SHPK: variants seen among roughly 807,000 people sequenced by gnomAD.
SHPK encodes the protein sedoheptulokinase.
SHPK carries 51 observed loss-of-function variants against 46.3 expected under a neutral mutation model. That is an observed-to-expected ratio of 1.10 (90% CI 0.88 to 1.39). The LOEUF is 1.39. Ranked by LOEUF, SHPK falls within the 40% of genes most tolerant of loss-of-function variation. The pLI is 0.00. For missense variants in SHPK, 668 were observed against 641.3 expected, an observed-to-expected ratio of 1.04 and a Z score of -0.45; for synonymous variants, 290 against 273.9, an observed-to-expected ratio of 1.06 and a Z score of -0.58.
At position 3,624,183 on chromosome 17, in the gene SHPK, G is replaced by C. The variant is rs1181938736; in HGVS notation, c.359C>G (p.Ala120Gly). Reference sequence around the variant, plus strand: ...CTGCCACGTGACCAGGTGGCTAACAGCTCGGGGCTCGAACACCGGGGTAAT... The same window carrying C: ...CTGCCACGTGACCAGGTGGCTAACACCTCGGGGCTCGAACACCGGGGTAAT... ...GGITPVFEPRAVSHLVTWQDG... is the reference protein window; with the variant it reads ...GGITPVFEPRGVSHLVTWQDG... Residue 120 changes from alanine to glycine, a missense_variant, in exon 3 of 7, where the codon GCT (alanine) becomes GGT (glycine). Ala to Gly is a moderately conservative substitution (Grantham distance 60). Coordinates refer to ENST00000225519, the MANE Select transcript of SHPK (RefSeq NM_013276.4). 1 of 1,613,968 alleles carries C rather than the reference G, an allele frequency of 6.2e-7. No individual in the cohort carries two copies. Among genetic ancestry groups the C allele is most frequent in the Non-Finnish European group, 8.5e-7 (1 of 1,179,952 alleles).
In SHPK at chr17:3,628,693, T is replaced by C. The variant is rs59292496; in HGVS notation, c.310+1512A>G. The stretch of plus-strand genomic sequence containing the variant: ...AGACGGGGTCTTGCTCTGTAGCCCA[T>C]GCTGGAGTGCAGTGGAGCAATCACA... On this transcript the variant is annotated intron_variant, in intron 2 of 6. Transcript: ENST00000225519. Among the ~76,000 whole-genome samples, 59 of 151,294 alleles carry C rather than the reference T, an allele frequency of 3.9e-4. 3 individuals are homozygous for C. The East Asian group carries it at 0.012, about 30-fold the overall frequency.
intron 2 of SHPK, among the ~76,000 whole-genome samples, chr17:3,627,694 C>T (rs1454217795): frequency 1.3e-5 from 2 of 151,378 alleles, no homozygotes; most frequent in Admixed American, 6.6e-5. Flanking sequence ...CTCTTTCCAA[C>T]GATGTGGCTG....
At position 3,636,245 on chromosome 17, in the gene SHPK, G is replaced by C. The variant is rs369929091; in HGVS notation, c.-26C>G. ...TATCTCCCTGACCCGCGCAGCTCCA[G>C]TCTGCAGCCAGCGGCCCCACAAGTC... On this transcript the variant is annotated 5_prime_UTR_variant, in exon 1 of 7. Transcript: ENST00000225519. 91 of 1,576,736 alleles carry C rather than the reference G, an allele frequency of 5.8e-5. No individual in the cohort carries two copies. The highest frequency in any genetic ancestry group is 7.3e-5 in the Non-Finnish European group (85 of 1,157,346).
At chr17:3,634,859 A>G (rs1011972358) in intron 1 of SHPK, among the ~76,000 whole-genome samples, 10 of 152,096 alleles carry the variant, frequency 6.6e-5, no homozygotes, top group African/African-American at 2.4e-4. Flanking sequence ...GTGTCCATGT[A>G]TGTGGCAAGA....
intron 3 of SHPK, among the ~76,000 whole-genome samples, chr17:3,623,772 C>G (rs1051996658): frequency 6.6e-6 from 1 of 152,238 alleles, no homozygotes; most frequent in Admixed American, 6.5e-5. Context: ...CAGGCCTGAA[C>G]ACACTGCGAA....
chr17:3,634,317 C>T (rs568136731), intron 1 of SHPK, among the ~76,000 whole-genome samples: 1 of 151,670 alleles, frequency 6.6e-6, no homozygotes, highest in Non-Finnish European at 1.5e-5. Flanking sequence ...CACCTGTAAT[C>T]CCAGCACTTT....
intron 5 of SHPK, among the ~76,000 whole-genome samples, chr17:3,615,783 T>C (rs908005623): frequency 4.0e-5 from 6 of 150,786 alleles, no homozygotes; most frequent in Non-Finnish European, 7.4e-5. Flanking sequence ...TGAGAGAGGG[T>C]GGGGTTTTAA....
rs191518876 is a variant in SHPK, at chr17:3,635,701, A to G, written c.168+351T>C. ...GCAGGTGTGAGGAGCGGAGAGCAGC[A>G]AGAGTGAAAGGGAGGCCTGTGGTCA... On this transcript the variant is annotated intron_variant, in intron 1 of 6. Coordinates refer to ENST00000225519, the MANE Select transcript of SHPK (RefSeq NM_013276.4). 4.6e-3 allele frequency among the ~76,000 whole-genome samples: 708 copies of G among 152,276 alleles called. 7 individuals carry two copies. The highest frequency in any genetic ancestry group is 0.016 in the African/African-American group (678 of 41,578).
intron 1 of SHPK, among the ~76,000 whole-genome samples, chr17:3,633,332 A>G (rs1249391205): frequency 6.6e-6 from 1 of 151,494 alleles, no homozygotes; most frequent in Non-Finnish European, 1.5e-5. Context: ...CTTGTCACCT[A>G]GGGAACATTT....
intron 4 of SHPK, among the ~76,000 whole-genome samples, chr17:3,621,689 G>T (rs1466568092): frequency 1.4e-5 from 2 of 140,452 alleles, no homozygotes; most frequent in African/African-American, 5.3e-5. Context: ...GTCTTGCTCT[G>T]TTGCCCAGGC....
Position 3,614,882 on chromosome 17 carries a change from A to C in SHPK, c.1024+455T>G, listed in dbSNP as rs567296787. ...AAAAAAGAAGAAGAAGAAGAAGAAA[A>C]GCCTGCATCGCACTTCCTATGGCCA... On this transcript the variant is annotated intron_variant, in intron 6 of 6. Coordinates refer to ENST00000225519, the MANE Select transcript of SHPK (RefSeq NM_013276.4). Among the ~76,000 whole-genome samples, 7 of 152,168 alleles carry C rather than the reference A, an allele frequency of 4.6e-5. No homozygotes were observed. The East Asian group carries it at 1.3e-3, about 29-fold the overall frequency.
rs1284934786 is a variant in SHPK, at chr17:3,610,757, G to A, written c.1240C>T (p.Leu414Phe). The change falls in exon 7 of 7, where the codon CTT (leucine) becomes TTT (phenylalanine). Residue 414 changes from leucine (L) to phenylalanine (F), a missense_variant. By Grantham distance (22) the Leu-to-Phe change is conservative. Coordinates refer to ENST00000225519, the MANE Select transcript of SHPK (RefSeq NM_013276.4). Reference protein sequence around the residue: ...RGIVQNLHSMLPIQQLQEWGV... With the variant: ...RGIVQNLHSMFPIQQLQEWGV... Reference sequence around the variant, plus strand: ...CACTCCTGGAGCTGCTGAATCGGAAGCATGGAGTGCAGGTTCTGAACAATG... The same window carrying A: ...CACTCCTGGAGCTGCTGAATCGGAAACATGGAGTGCAGGTTCTGAACAATG... The A allele has an allele frequency of 1.2e-6, 2 of 1,613,998 alleles. No homozygotes were observed. Among genetic ancestry groups the A allele is most frequent in the Non-Finnish European group, 1.7e-6 (2 of 1,179,996 alleles).
intron 5 of SHPK, chr17:3,619,154 A>C (rs1597570436): frequency 5.8e-6 from 2 of 342,090 alleles, no homozygotes; most frequent in East Asian, 1.3e-4. Context: ...GCCTCTAGAG[A>C]TGATGCCTTA....
At chr17:3,619,804 C>A in intron 5 of SHPK, 1 of 459,260 alleles carries the variant, frequency 2.2e-6, no homozygotes. Context: ...TTCTGACCAT[C>A]CTGCTGCTTT....
In SHPK at chr17:3,623,455, GGT is replaced by G; in HGVS notation, c.529_530del (p.Thr177HisfsTer69). 6.2e-7 allele frequency: 1 copy of G among 1,614,146 alleles called. No homozygotes were observed. The highest frequency in any genetic ancestry group is 8.5e-7 in the Non-Finnish European group (1 of 1,179,960). ...EFLKSYDAAG[T>X]IHDYVVAMLC... The stretch of plus-strand genomic sequence containing the variant: ...GCATGGCAACCACATAGTCGTGGAT[GGT>G]ACCGGCTGCGTCGTAGGACTTCAGG... On this transcript the variant is annotated frameshift_variant, in exon 4 of 7. Transcript: ENST00000225519. LOFTEE classifies it high-confidence loss of function.
chr17:3,619,316 A>T, intron 5 of SHPK: 3 of 1,067,016 alleles, frequency 2.8e-6, no homozygotes, highest in Non-Finnish European at 4.3e-6. Flanking sequence ...TGATCAGTCC[A>T]CCACAGTTAC....
intron 5 of SHPK, 90 bp downstream of exon 5, chr17:3,621,147 G>A: frequency 2.7e-6 from 3 of 1,100,818 alleles, no homozygotes; most frequent in Admixed American, 2.8e-5. Context: ...AGACTGCTAA[G>A]CTCTGTGTGC....
chr17:3,628,538 G>T (rs1350485766), intron 2 of SHPK, among the ~76,000 whole-genome samples: 1 of 152,118 alleles, frequency 6.6e-6, no homozygotes, highest in East Asian at 1.9e-4. Flanking sequence ...GGCCAGGCTG[G>T]TCTCTAATTC....
intron 5 of SHPK, among the ~76,000 whole-genome samples, chr17:3,618,823 G>A (rs2075382816): frequency 6.6e-6 from 1 of 152,046 alleles, no homozygotes; most frequent in Admixed American, 6.6e-5. Flanking sequence ...ACATTTAGAT[G>A]GTTTATACTT....
Sources: allele counts gnomAD v4.1 joint callset (sites outside exome capture counted in the v4.1 genomes callset), GRCh38; gene constraint gnomAD v4.1.1; transcripts MANE v1.5; gene names NCBI Gene and HGNC (gene_info 2026-07-23, HGNC 2026-07-21).